OR7C1: variants seen among roughly 807,000 people sequenced by gnomAD.
The protein encoded by OR7C1 is olfactory receptor family 7 subfamily C member 1, also known as olfactory receptor 7C1.
For synonymous variants in OR7C1, 152 were observed against 160.7 expected, an observed-to-expected ratio of 0.95 and a Z score of 0.41; for missense variants, 324 against 383.3, an observed-to-expected ratio of 0.85 and a Z score of 1.29.
At chr19:14,822,159 C>T (rs1437148451) in intron 1 of OR7C1, among the ~76,000 whole-genome samples, 6 of 152,082 alleles carry the variant, frequency 3.9e-5, no homozygotes, top group East Asian at 3.8e-4. Flanking sequence ...AGTGTTGCAA[C>T]GAATGCGGAA....
At chr19:14,826,954 A>T (rs1336716942) in intron 1 of OR7C1, 1 of 188,416 alleles carries the variant, frequency 5.3e-6, no homozygotes, top group Non-Finnish European at 1.1e-5. Context: ...ATTTACATCA[A>T]TTACCCCAAT....
chr19:14,831,564 C>A (rs1045169405), intron 1 of OR7C1, among the ~76,000 whole-genome samples: 1 of 152,064 alleles, frequency 6.6e-6, no homozygotes, highest in Non-Finnish European at 1.5e-5. Context: ...CCTGCCTCAG[C>A]CTCCTGAGTA....
chr19:14,821,806 C>T (rs554936500), intron 1 of OR7C1, among the ~76,000 whole-genome samples: 13 of 152,356 alleles, frequency 8.5e-5, no homozygotes, highest in Non-Finnish European at 1.8e-4. Context: ...GTGTGTCCTC[C>T]ACACCTGTGT....
intron 1 of OR7C1, among the ~76,000 whole-genome samples, chr19:14,820,482 G>T (rs933967243): frequency 6.6e-6 from 1 of 151,854 alleles, no homozygotes; most frequent in Non-Finnish European, 1.5e-5. Context: ...GGGTTGACAG[G>T]TGCAGCAAAC....
chr19:14,799,635 A>AG lies in OR7C1; in HGVS notation c.501dup (p.Phe168LeufsTer13). The AG allele has an allele frequency of 6.2e-7, 1 of 1,609,880 alleles. No homozygotes were observed. The highest frequency in any genetic ancestry group is 8.5e-7 in the Non-Finnish European group (1 of 1,179,848). On this transcript the variant is annotated frameshift_variant, in exon 5 of 5. Coordinates refer to ENST00000641666, the Ensembl canonical transcript of OR7C1. LOFTEE classifies it low-confidence loss of function (END_TRUNC). ...TGTGGAATTTCCATTTCGGTGCAGA[A>AG]GGACAGCCTCAAAACAGTCAAGGTC... is the stretch of plus-strand genomic sequence containing the variant.
chr19:14,811,162 T>C (rs767702463), intron 1 of OR7C1, among the ~76,000 whole-genome samples: 1 of 151,932 alleles, frequency 6.6e-6, no homozygotes, highest in African/African-American at 2.4e-5. Context: ...ATTAGCCTCC[T>C]GTGGCTGCTG....
chr19:14,813,504 A>G (rs2044701250), intron 1 of OR7C1, among the ~76,000 whole-genome samples: 3 of 152,264 alleles, frequency 2.0e-5, no homozygotes, highest in South Asian at 2.1e-4. Context: ...GCAGTGAGCC[A>G]AGATTGTGCC....
chr19:14,818,062 T>TATTA, intron 1 of OR7C1, among the ~76,000 whole-genome samples: 1 of 139,464 alleles, frequency 7.2e-6, no homozygotes, highest in African/African-American at 2.7e-5. Flanking sequence ...ATTTTATTTA[T>TATTA]TTTATTTATT....
intron 2 of OR7C1, among the ~76,000 whole-genome samples, chr19:14,804,842 A>G (rs1256752039): frequency 1.3e-5 from 2 of 151,954 alleles, no homozygotes; most frequent in East Asian, 3.8e-4. Flanking sequence ...GCTTTCAAGT[A>G]ACTGGTTAAT....
At chr19:14,827,397 G>T (rs149403537) in intron 1 of OR7C1, 2 of 1,613,854 alleles carry the variant, frequency 1.2e-6, no homozygotes, top group Admixed American at 1.7e-5. Flanking sequence ...CAGCATGGGG[G>T]TGACCACAGT....
In OR7C1 at chr19:14,822,373, C is replaced by CTTTTTTTTTTT. The variant is rs1162241411; in HGVS notation, c.-622-12391_-622-12381dup. ...ATCCTCATCAGCACTTATCTCCTGT[C>CTTTTTTTTTTT]TTTTTTTTTTTTTTTTTTTTTTTTT... On this transcript the variant is annotated intron_variant, in intron 1 of 4. Coordinates refer to ENST00000641666, the Ensembl canonical transcript of OR7C1. Among the ~76,000 whole-genome samples the CTTTTTTTTTTT allele has an allele frequency of 1.9e-3, 132 of 67,720 alleles. 12 individuals are homozygous for CTTTTTTTTTTT. The highest frequency in any genetic ancestry group is 3.8e-3 in the African/African-American group (70 of 18,532). 44.4% of individuals were successfully genotyped at this position (67,720 alleles called of 152,430 possible).
chr19:14,826,040 C>T (rs1176856705), intron 1 of OR7C1: 1 of 152,124 alleles, frequency 6.6e-6, no homozygotes, highest in African/African-American at 2.4e-5. Context: ...AAAAAGACTA[C>T]TGTTGAGATT....
At chr19:14,799,022 G>T in exon 5 of OR7C1, 1 of 902,714 alleles carries the variant, frequency 1.1e-6, no homozygotes, top group Non-Finnish European at 1.5e-6. Context: ...GGACTCTGTG[G>T]CCCTCCCTAT....
At chr19:14,805,212 ACTC>A (rs776118879) in intron 2 of OR7C1, among the ~76,000 whole-genome samples, 15 of 151,028 alleles carry the variant, frequency 9.9e-5, no homozygotes, top group Non-Finnish European at 2.1e-4. Flanking sequence ...CCCAGTCTGT[ACTC>A]CTCCTGCCTG....
chr19:14,834,917 A>T (rs1253794224), intron 1 of OR7C1, among the ~76,000 whole-genome samples, 157 bp downstream of exon 1: 1 of 152,220 alleles, frequency 6.6e-6, no homozygotes, highest in Non-Finnish European at 1.5e-5. Flanking sequence ...ATAAAACGAG[A>T]CATTACTTAG....
intron 1 of OR7C1, among the ~76,000 whole-genome samples, chr19:14,821,042 T>A (rs80140593): frequency 0.2 from 30,725 of 151,816 alleles, 3,293 homozygotes; most frequent in South Asian, 0.35. Flanking sequence ...TCACGAGACC[T>A]GCCTGGCCAA....
rs1303570857 is a variant in OR7C1, at chr19:14,800,029, T to C, written c.108A>G (p.Leu36=). 5.6e-6 allele frequency: 9 copies of C among 1,614,002 alleles called. No homozygotes were observed. In the South Asian group the frequency reaches 6.6e-5, roughly 12 times the overall value. Reference sequence around the variant, plus strand: ...TGAGCAGGTTCCCGGTGAAAGTGACTAGGTACATGGAGAGGAACAGCCCAA... The same window carrying C: ...TGAGCAGGTTCCCGGTGAAAGTGACCAGGTACATGGAGAGGAACAGCCCAA... Residue 36 remains leucine, a synonymous_variant, in exon 5 of 5, where the codon CTA becomes CTG. Coordinates refer to ENST00000641666, the Ensembl canonical transcript of OR7C1.
intron 2 of OR7C1, among the ~76,000 whole-genome samples, 182 bp from the exon 3 acceptor site, chr19:14,800,946 C>G (rs964905640): frequency 6.6e-6 from 1 of 152,174 alleles, no homozygotes; most frequent in Non-Finnish European, 1.5e-5. Flanking sequence ...TCTCGGAGAC[C>G]CTTTTCTCTA....
intron 2 of OR7C1, among the ~76,000 whole-genome samples, chr19:14,805,752 T>C (rs536322484): frequency 1.3e-5 from 2 of 151,924 alleles, no homozygotes; most frequent in Non-Finnish European, 2.9e-5. Context: ...ATAATCTGAA[T>C]GACCAGCTTC....
Sources: allele counts gnomAD v4.1 joint callset (sites outside exome capture counted in the v4.1 genomes callset), GRCh38; gene constraint gnomAD v4.1.1; transcripts MANE v1.5; gene names NCBI Gene and HGNC (gene_info 2026-07-23, HGNC 2026-07-21).